Variants in DOCK11 observed in about 807,000 individuals in gnomAD.
DOCK11 encodes the protein dedicator of cytokinesis 11.
In DOCK11, 70 loss-of-function variants were observed where a neutral mutation model predicts 169.1. The observed-to-expected ratio is 0.41, with a 90% CI of 0.34 to 0.51. The LOEUF (loss-of-function observed/expected upper bound fraction) is 0.51. Among genes scored for constraint, DOCK11 ranks in the 20% least tolerant of loss-of-function variants. The pLI is 0.10. For missense variants in DOCK11, 1,166 were observed against 1,538.8 expected (o/e 0.76, Z 4.05); for synonymous variants, 529 against 541.3 (o/e 0.98, Z 0.32).
intron 10 of DOCK11, chrX:118,569,511 C>T (rs2147387088): frequency 9.0e-6 from 1 of 111,230 alleles, no homozygotes; most frequent in African/African-American, 3.3e-5. Context: ...ACCTTTGGGC[C>T]AGCCATTGTT....
chrX:118,676,963 C>T lies in DOCK11; in HGVS notation c.5460+226C>T, dbSNP rs764640262. 8.1e-5 allele frequency among the ~76,000 whole-genome samples: 9 copies of T among 111,380 alleles called. No homozygotes were observed. The South Asian group carries it at 3.0e-3, about 37-fold the overall frequency. ...TGGGGAAGGTACTTAACTCTCTGTG[C>T]TTCATCGTTCTTAGTAATAAAATGG... is the stretch of plus-strand genomic sequence containing the variant. On this transcript the variant is annotated intron_variant, in intron 48 of 52. Transcript: ENST00000276202.
chrX:118,589,156 G>C (rs2013907562), intron 18 of DOCK11, among the ~76,000 whole-genome samples: 1 of 111,609 alleles, frequency 9.0e-6, no homozygotes, highest in Non-Finnish European at 1.9e-5. Context: ...ACCACCTAGG[G>C]AAACAGGCTG....
rs1350763160 is a variant in DOCK11 at position 118,550,438 on chromosome X, CA to C, written c.558+4333del. ...TGGGTGACAGAGTGACACCTTATCT[CA>C]AAAAAAAAAAGTGTTTTAACTGTTA... On this transcript the variant is annotated intron_variant, in intron 6 of 52. Transcript: ENST00000276202. 2.4e-3 allele frequency among the ~76,000 whole-genome samples: 242 copies of C among 101,468 alleles called. 2 individuals are homozygous for C. The highest frequency in any genetic ancestry group is 7.3e-3 in the African/African-American group (205 of 27,981). 88.1% of individuals were successfully genotyped at this position (101,468 alleles called of 115,157 possible). A position where few individuals can be genotyped will look rare whatever the true frequency, so the allele number is the denominator to read the frequency against.
At position 118,597,992 on chromosome X, in the gene DOCK11, CATT is replaced by C. The variant is rs1569426056; in HGVS notation, c.2386-32_2386-30del. The C allele has an allele frequency of 2.0e-6, 2 of 1,006,691 alleles. 1 individual carries two copies. The highest frequency in any genetic ancestry group is 4.8e-5 in the South Asian group (2 of 41,440). 83.0% of individuals were successfully genotyped at this position (1,006,691 alleles called of 1,213,427 possible). ...AGGTATTATATGTTATTCATCTATC[CATT>C]ATTATGTTATAGAATCTCAATTTTC... On this transcript the variant is annotated intron_variant, in intron 21 of 52. Coordinates refer to ENST00000276202, the MANE Select transcript of DOCK11 (RefSeq NM_144658.4).
intron 31 of DOCK11, among the ~76,000 whole-genome samples, chrX:118,620,179 A>G (rs2014936627): frequency 8.9e-6 from 1 of 111,737 alleles, no homozygotes; most frequent in Admixed American, 9.6e-5. Flanking sequence ...TTGGCTTGAA[A>G]AAGTAGAGTG....
At chrX:118,524,969 C>A (rs908863582) in intron 1 of DOCK11, among the ~76,000 whole-genome samples, 4 of 110,509 alleles carry the variant, frequency 3.6e-5, no homozygotes, top group Non-Finnish European at 7.6e-5. Context: ...CATGGTAAAA[C>A]CCCATCTCTA....
chrX:118,625,973 C>T (rs1462157263), intron 32 of DOCK11, among the ~76,000 whole-genome samples: 1 of 111,203 alleles, frequency 9.0e-6, no homozygotes, highest in Non-Finnish European at 1.9e-5. Context: ...ACATCTGTTC[C>T]CACCTCCAAA....
At chrX:118,677,481 A>C (rs2016637004) in intron 48 of DOCK11, among the ~76,000 whole-genome samples, 1 of 112,000 alleles carries the variant, frequency 8.9e-6, no homozygotes, top group Non-Finnish European at 1.9e-5. Context: ...AAGGGTAGGA[A>C]GCTCATATAA....
intron 31 of DOCK11, among the ~76,000 whole-genome samples, chrX:118,622,392 CTTTAT>C (rs1293718465): frequency 4.5e-5 from 5 of 111,912 alleles, no homozygotes; most frequent in African/African-American, 9.7e-5. Context: ...TATGGATATA[CTTTAT>C]TTTATTTATC....
At chrX:118,498,253 A>G (rs190325724) in intron 1 of DOCK11, among the ~76,000 whole-genome samples, 1 of 112,710 alleles carries the variant, frequency 8.9e-6, no homozygotes. Flanking sequence ...TAGATGCTCT[A>G]TAATTATGAG....
chrX:118,610,527 G>A, intron 28 of DOCK11, 109 bp downstream of exon 28: 1 of 901,072 alleles, frequency 1.1e-6, no homozygotes, highest in South Asian at 2.5e-5. Flanking sequence ...TCATAAGACT[G>A]TTGGAAAACT....
At chrX:118,591,867 G>T in intron 19 of DOCK11, among the ~76,000 whole-genome samples, 1 of 77,166 alleles carries the variant, frequency 1.3e-5, no homozygotes. Flanking sequence ...CCACCTATGA[G>T]TGAGAACATG....
At position 118,648,989 on chromosome X, in the gene DOCK11, A is replaced by G. The variant is rs1395400417; in HGVS notation, c.4443A>G (p.Ala1481=). 8.3e-7 allele frequency: 1 copy of G among 1,205,300 alleles called. No individual in the cohort carries two copies. Among genetic ancestry groups the G allele is most frequent in the Admixed American group, 2.2e-5 (1 of 44,674 alleles). The change falls in exon 41 of 53, where the codon GCA becomes GCG. Residue 1481 remains alanine (A), a synonymous_variant. Coordinates refer to ENST00000276202, the MANE Select transcript of DOCK11 (RefSeq NM_144658.4). ...FFKGRVNMCA[A]FCYEVLKCCT... The stretch of plus-strand genomic sequence containing the variant: ...AAGGAAGAGTAAACATGTGTGCTGC[A>G]TTTTGCTATGAGGTTTTAAAGTGCT...
chrX:118,649,319 T>C (rs1314745405), intron 41 of DOCK11, among the ~76,000 whole-genome samples, 192 bp downstream of exon 41: 2 of 111,436 alleles, frequency 1.8e-5, no homozygotes, highest in Non-Finnish European at 3.8e-5. Flanking sequence ...ATGAAAAAAA[T>C]AGAAGATCTC....
chrX:118,573,027 A>AT (rs999428941), intron 11 of DOCK11, among the ~76,000 whole-genome samples: 1 of 112,535 alleles, frequency 8.9e-6, no homozygotes, highest in African/African-American at 3.2e-5. Flanking sequence ...CATTAGATTC[A>AT]TTTTGGTCTA....
At chrX:118,623,942 G>C (rs138785376) in intron 31 of DOCK11, among the ~76,000 whole-genome samples, 4,188 of 112,549 alleles carry the variant, frequency 0.037, 163 homozygotes, top group African/African-American at 0.13. Context: ...CATTAATTAA[G>C]AGCCCTGGTG....
chrX:118,680,622 C>G lies in DOCK11; in HGVS notation c.5601C>G (p.Ala1867=). ...ATATCAGCAGATTTGTTTTTGAGGC[C>G]CCTTACACTTTATCAGGCAAAAAAC... ...NHNISRFVFE[A]PYTLSGKKQG... The change falls in exon 49 of 53, where the codon GCC becomes GCG. Residue 1867 remains alanine (A), a synonymous_variant. Coordinates refer to ENST00000276202, the MANE Select transcript of DOCK11 (RefSeq NM_144658.4). The G allele has an allele frequency of 8.3e-7, 1 of 1,209,572 alleles. No individual in the cohort carries two copies. Among genetic ancestry groups the G allele is most frequent in the Non-Finnish European group, 1.1e-6 (1 of 894,445 alleles).
rs1439207872 is a variant in DOCK11 at position 118,616,230 on chromosome X, G to C, written c.3292+519G>C. 10 of 962,143 alleles carry C rather than the reference G, an allele frequency of 1.0e-5. No homozygotes were observed. In the South Asian group the frequency reaches 1.8e-4, roughly 18 times the overall value. 79.3% of individuals were successfully genotyped at this position (962,143 alleles called of 1,213,427 possible). A position where few individuals can be genotyped will look rare whatever the true frequency, so the allele number is the denominator to read the frequency against. Reference sequence around the variant, plus strand: ...TTTTTTCATTTGCGGTGGACCGTTTGACTTCAGTAGGTAGGTTTAACTCGG... The same window carrying C: ...TTTTTTCATTTGCGGTGGACCGTTTCACTTCAGTAGGTAGGTTTAACTCGG... On this transcript the variant is annotated intron_variant, in intron 30 of 52. Coordinates refer to ENST00000276202, the MANE Select transcript of DOCK11 (RefSeq NM_144658.4).
chrX:118,651,231 C>G, intron 41 of DOCK11, among the ~76,000 whole-genome samples: 1 of 111,620 alleles, frequency 9.0e-6, no homozygotes, highest in South Asian at 3.8e-4. Flanking sequence ...CCCAGGAGCT[C>G]GAGACCAGCC....
Sources: allele counts gnomAD v4.1 joint callset (sites outside exome capture counted in the v4.1 genomes callset), GRCh38; gene constraint gnomAD v4.1.1; transcripts MANE v1.5; gene names NCBI Gene and HGNC (gene_info 2026-07-23, HGNC 2026-07-21).